ANKRD55: variants seen among roughly 807,000 people sequenced by gnomAD.
ANKRD55 encodes the protein ankyrin repeat domain-containing protein 55.
A neutral mutation model predicts 60.6 loss-of-function variants in ANKRD55; 41 were observed. The observed-to-expected ratio is 0.68, with a 90% CI of 0.53 to 0.88. The LOEUF (loss-of-function observed/expected upper bound fraction) is 0.88, where lower values mean the gene tolerates loss of function less well. Ranked by LOEUF, ANKRD55 falls within the 40% of genes least tolerant of loss-of-function variation. ANKRD55 has a pLI of 0.00. For synonymous variants in ANKRD55, 264 were observed against 290.3 expected (o/e 0.91, Z 0.92); for missense variants, 732 against 767.6 (o/e 0.95, Z 0.55).
At chr5:56,113,433 T>C (rs1756795770) in intron 9 of ANKRD55, among the ~76,000 whole-genome samples, 1 of 152,160 alleles carries the variant, frequency 6.6e-6, no homozygotes, top group South Asian at 2.1e-4. Context: ...TTAACTTGAG[T>C]ACACTTGTTT....
intron 2 of ANKRD55, among the ~76,000 whole-genome samples, chr5:56,215,388 T>A (rs2111880154): frequency 6.6e-6 from 1 of 152,302 alleles, no homozygotes; most frequent in African/African-American, 2.4e-5. Flanking sequence ...GAATCCTCTC[T>A]GGAAGAGGTG....
intron 6 of ANKRD55, among the ~76,000 whole-genome samples, chr5:56,151,602 C>T (rs191181544): frequency 6.6e-6 from 1 of 152,044 alleles, no homozygotes; most frequent in African/African-American, 2.4e-5. Context: ...CACTTGAGGA[C>T]AGGAGTTCGA....
intron 3 of ANKRD55, among the ~76,000 whole-genome samples, chr5:56,179,319 C>T (rs1268357761): frequency 6.6e-6 from 1 of 151,900 alleles, no homozygotes; most frequent in Non-Finnish European, 1.5e-5. Context: ...ATCAAAATAA[C>T]AACAGATTGC....
intron 2 of ANKRD55, among the ~76,000 whole-genome samples, chr5:56,205,700 G>A (rs1287688705): frequency 6.6e-6 from 1 of 152,138 alleles, no homozygotes; most frequent in Non-Finnish European, 1.5e-5. Context: ...CTTTTAAAAG[G>A]CACCCTCCTT....
chr5:56,225,597 C>T (rs1466813935), intron 2 of ANKRD55, among the ~76,000 whole-genome samples: 1 of 152,194 alleles, frequency 6.6e-6, no homozygotes, highest in African/African-American at 2.4e-5. Flanking sequence ...ATCGTCTCAG[C>T]CCCAAATCTC....
intron 2 of ANKRD55, among the ~76,000 whole-genome samples, chr5:56,196,481 A>T (rs1759231072): frequency 6.6e-6 from 1 of 152,208 alleles, no homozygotes; most frequent in South Asian, 2.1e-4. Context: ...AATGCTCAAA[A>T]TTTGGGTGTT....
intron 2 of ANKRD55, among the ~76,000 whole-genome samples, chr5:56,202,867 A>C (rs1166654231): frequency 4.6e-5 from 7 of 152,314 alleles, no homozygotes; most frequent in African/African-American, 1.7e-4. Flanking sequence ...TCCTGCATGA[A>C]GAGGACCTGG....
intron 2 of ANKRD55, 144 bp downstream of exon 2, chr5:56,232,712 C>A: frequency 1.4e-6 from 1 of 724,672 alleles, no homozygotes; most frequent in Non-Finnish European, 2.3e-6. Context: ...CCACATCCTA[C>A]ATAGCAAATA....
At chr5:56,131,168 C>A (rs911642637) in intron 7 of ANKRD55, among the ~76,000 whole-genome samples, 4 of 147,336 alleles carry the variant, frequency 2.7e-5, no homozygotes, top group Non-Finnish European at 6.0e-5. Context: ...CAAAAAAAAA[C>A]AACAAAACAA....
chr5:56,212,137 C>T (rs160009), intron 2 of ANKRD55, among the ~76,000 whole-genome samples: 49,803 of 151,408 alleles, frequency 0.33, 9,770 homozygotes, highest in African/African-American at 0.54. Flanking sequence ...TTGTAAGTTT[C>T]AAATTAAATT....
chr5:56,173,576 C>CTATATATA (rs1165005774), intron 4 of ANKRD55, among the ~76,000 whole-genome samples: 12 of 85,412 alleles, frequency 1.4e-4, no homozygotes, highest in Admixed American at 4.1e-4. Flanking sequence ...CTCTCTCTCT[C>CTATATATA]TCTCTCTATA....
chr5:56,225,235 C>T (rs533802151), intron 2 of ANKRD55, among the ~76,000 whole-genome samples: 6 of 152,110 alleles, frequency 3.9e-5, no homozygotes, highest in South Asian at 2.1e-4. Flanking sequence ...ACAAAAACCA[C>T]GTGATTATCT....
chr5:56,120,630 T>C (rs1757016873), intron 8 of ANKRD55, among the ~76,000 whole-genome samples: 1 of 152,142 alleles, frequency 6.6e-6, no homozygotes, highest in South Asian at 2.1e-4. Flanking sequence ...CTGGGCATGG[T>C]GGCTCACACC....
rs548896888 is a variant in ANKRD55 at position 56,114,486 on chromosome 5, A to G, written c.965+2129T>C. ...ATATTCACATTGTAAGCTTGACACC[A>G]TCTCAGTATATAAAGCTTGTCCAAT... On this transcript the variant is annotated intron_variant, in intron 9 of 11. Transcript: ENST00000341048. Among the ~76,000 whole-genome samples, 4 of 152,322 alleles carry G rather than the reference A, an allele frequency of 2.6e-5. No homozygotes were observed. In the South Asian group the frequency reaches 6.2e-4, roughly 24 times the overall value.
chr5:56,204,456 T>A (rs780443358), intron 2 of ANKRD55, among the ~76,000 whole-genome samples: 1 of 152,356 alleles, frequency 6.6e-6, no homozygotes, highest in Non-Finnish European at 1.5e-5. Flanking sequence ...TTCATAGTTT[T>A]AAGTCTAACA....
intron 7 of ANKRD55, among the ~76,000 whole-genome samples, chr5:56,140,376 A>G (rs769999488): frequency 6.6e-6 from 1 of 152,218 alleles, no homozygotes; most frequent in East Asian, 1.9e-4. Context: ...CAATTTCTCC[A>G]GAGCCGGGGT....
At chr5:56,203,605 G>A (rs1277039404) in intron 2 of ANKRD55, among the ~76,000 whole-genome samples, 2 of 151,998 alleles carry the variant, frequency 1.3e-5, no homozygotes, top group Admixed American at 6.6e-5. Flanking sequence ...TTGTCCTTTC[G>A]ATAGTTTGCT....
chr5:56,121,424 G>C (rs1050920923), intron 8 of ANKRD55, among the ~76,000 whole-genome samples: 6 of 146,702 alleles, frequency 4.1e-5, no homozygotes, highest in Non-Finnish European at 8.9e-5. Context: ...CTAGGTTGGG[G>C]TGCAGTGGCA....
chr5:56,178,634 G>A (rs1036247058), intron 3 of ANKRD55, among the ~76,000 whole-genome samples: 7 of 151,954 alleles, frequency 4.6e-5, no homozygotes, highest in South Asian at 2.1e-4. Flanking sequence ...ACAAAAATAC[G>A]GTACTTAGGA....
Sources: gnomAD v4.1 joint callset for allele counts (sites outside exome capture counted in the v4.1 genomes callset) on GRCh38, gnomAD v4.1.1 for gene constraint, MANE v1.5 for transcripts, NCBI Gene and HGNC (gene_info 2026-07-23, HGNC 2026-07-21) for gene names.